Variants in RBFOX3 observed in about 807,000 individuals in gnomAD.
RBFOX3 encodes RNA binding protein fox-1 homolog 3.
A neutral mutation model predicts 48.7 loss-of-function variants in RBFOX3; 17 were observed. The observed-to-expected ratio is 0.35, with a 90% confidence interval of 0.24 to 0.52. The LOEUF (loss-of-function observed/expected upper bound fraction) is 0.52. Among genes scored for constraint, RBFOX3 ranks in the 20% least tolerant of loss-of-function variants. The pLI is 0.94. For synonymous variants in RBFOX3, 212 were observed against 209.5 expected (o/e 1.01, Z -0.10); for missense variants, 382 against 497.5 (o/e 0.77, Z 2.21).
chr17:79,369,212 G>A (rs540109316), intron 2 of RBFOX3, among the ~76,000 whole-genome samples: 4 of 152,138 alleles, frequency 2.6e-5, no homozygotes, highest in South Asian at 2.1e-4. Context: ...CCCATCAGCC[G>A]GGGTTGACCT....
At chr17:79,505,043 C>T (rs1402951605) in intron 1 of RBFOX3, among the ~76,000 whole-genome samples, 1 of 152,132 alleles carries the variant, frequency 6.6e-6, no homozygotes, top group Non-Finnish European at 1.5e-5. Flanking sequence ...CACTGGCCGG[C>T]CAGCTGCTCT....
intron 2 of RBFOX3, among the ~76,000 whole-genome samples, chr17:79,474,094 C>T (rs1167388767): frequency 4.0e-5 from 6 of 151,856 alleles, no homozygotes; most frequent in Non-Finnish European, 7.4e-5. Flanking sequence ...CGGCAACCCC[C>T]TCTGAGGAAT....
At chr17:79,427,317 A>C (rs2148833926) in intron 2 of RBFOX3, among the ~76,000 whole-genome samples, 1 of 152,300 alleles carries the variant, frequency 6.6e-6, no homozygotes, top group South Asian at 2.1e-4. Context: ...CTGAGGCTCT[A>C]AGGTCCTGGG....
chr17:79,123,775 A>C (rs540641371), intron 4 of RBFOX3, among the ~76,000 whole-genome samples: 1 of 152,324 alleles, frequency 6.6e-6, no homozygotes, highest in South Asian at 2.1e-4. Context: ...GGCGGCAGGC[A>C]GTAAAGTTTG....
intron 3 of RBFOX3, among the ~76,000 whole-genome samples, chr17:79,281,577 G>A (rs2070527334): frequency 6.6e-6 from 1 of 152,200 alleles, no homozygotes; most frequent in Non-Finnish European, 1.5e-5. Flanking sequence ...AGGCTTGTGG[G>A]GTGAGCTTGG....
intron 3 of RBFOX3, among the ~76,000 whole-genome samples, chr17:79,289,758 G>T (rs1421641638): frequency 4.6e-5 from 7 of 152,250 alleles, no homozygotes; most frequent in Non-Finnish European, 1.0e-4. Flanking sequence ...TTATCTTTAT[G>T]TGTCAGGATT....
intron 4 of RBFOX3, among the ~76,000 whole-genome samples, chr17:79,140,930 A>G (rs1194670511): frequency 2.0e-5 from 3 of 152,192 alleles, no homozygotes; most frequent in African/African-American, 7.2e-5. Context: ...CTGTGCTCAC[A>G]GAGGTCCTCT....
chr17:79,542,518 T>C (rs940281957), intron 1 of RBFOX3, among the ~76,000 whole-genome samples: 1 of 127,838 alleles, frequency 7.8e-6, no homozygotes, highest in African/African-American at 3.3e-5. Context: ...TCTAGGTGGC[T>C]GACGCCTGTA....
rs573242097 is a variant in RBFOX3, at chr17:79,391,543, C to T, written c.-174-83719G>A. Among the ~76,000 whole-genome samples the T allele has an allele frequency of 7.9e-5, 12 of 152,346 alleles. No homozygotes were observed. The South Asian group carries it at 2.5e-3, about 32-fold the overall frequency. ...CGGCAAATGCCACCGATTTTAATCT[C>T]ACCCGAAACCAACCTCACAGGTGCT... On this transcript the variant is annotated intron_variant, in intron 2 of 14. Coordinates refer to ENST00000693108, the MANE Select transcript of RBFOX3 (RefSeq NM_001350451.2). The surrounding 1 kb of genome is among the most constrained non-coding windows in gnomAD (Gnocchi z 5.0).
At chr17:79,414,265 T>TA (rs2064947677) in intron 2 of RBFOX3, among the ~76,000 whole-genome samples, 1 of 152,116 alleles carries the variant, frequency 6.6e-6, no homozygotes, top group African/African-American at 2.4e-5. Flanking sequence ...AAAATCACTG[T>TA]AAACAAAGTC....
At chr17:79,624,581 C>A in the RBFOX3 span, among the ~76,000 whole-genome samples, 1 of 152,142 alleles carries the variant, frequency 6.6e-6, no homozygotes. Context: ...CAGAGCCGAG[C>A]GAAGGGAGCA....
intron 4 of RBFOX3, among the ~76,000 whole-genome samples, chr17:79,123,911 A>G (rs1367335899): frequency 1.3e-5 from 2 of 152,070 alleles, no homozygotes; most frequent in African/African-American, 4.8e-5. Context: ...CCATTCCTCC[A>G]TGTGGTCGGT....
Position 79,475,886 on chromosome 17 carries a change from C to T in RBFOX3, c.-175+6568G>A, listed in dbSNP as rs1037687078. On this transcript the variant is annotated intron_variant, in intron 2 of 14. Transcript: ENST00000693108. ...ACAGTTTCTCCCTGAGAAGCAACCCCGCTGCCCTCCTGATTTTGGATCCTG... is the reference window on the plus strand; with the variant it reads ...ACAGTTTCTCCCTGAGAAGCAACCCTGCTGCCCTCCTGATTTTGGATCCTG... Among the ~76,000 whole-genome samples the T allele has an allele frequency of 1.1e-3, 169 of 152,334 alleles. 2 individuals carry two copies. Among genetic ancestry groups the T allele is most frequent in the African/African-American group, 3.7e-3 (153 of 41,580 alleles).
At chr17:79,215,759 C>T (rs1405522265) in intron 4 of RBFOX3, among the ~76,000 whole-genome samples, 2 of 152,264 alleles carry the variant, frequency 1.3e-5, no homozygotes. Context: ...AGCCATGCCA[C>T]GCTGGGCACC....
intron 2 of RBFOX3, among the ~76,000 whole-genome samples, chr17:79,338,063 C>T (rs1484269000): frequency 3.3e-5 from 5 of 152,050 alleles, no homozygotes; most frequent in East Asian, 1.9e-4. Flanking sequence ...CTCAGCCTCC[C>T]GAGTAGCTAG....
At chr17:79,625,567 G>A in the RBFOX3 span, among the ~76,000 whole-genome samples, 15 of 152,246 alleles carry the variant, frequency 9.9e-5, no homozygotes, top group South Asian at 4.1e-4. Context: ...GAGTGGGGGC[G>A]GATCACCTGA....
chr17:79,093,704 G>T (rs1336867521), intron 14 of RBFOX3, among the ~76,000 whole-genome samples: 1 of 152,096 alleles, frequency 6.6e-6, no homozygotes, highest in Non-Finnish European at 1.5e-5. Flanking sequence ...ACACCCCGGG[G>T]CTGGGGCCAG....
At chr17:79,273,943 G>T (rs1262435394) in intron 3 of RBFOX3, among the ~76,000 whole-genome samples, 2 of 152,192 alleles carry the variant, frequency 1.3e-5, no homozygotes, top group Non-Finnish European at 2.9e-5. Context: ...TTTCCTGCAG[G>T]CACAACTCTT....
At chr17:79,395,223 G>C (rs2061845796) in intron 2 of RBFOX3, among the ~76,000 whole-genome samples, 1 of 152,244 alleles carries the variant, frequency 6.6e-6, no homozygotes, top group Non-Finnish European at 1.5e-5. Context: ...ACCGGACCCA[G>C]CAATGTGTGG....
Sources: allele counts gnomAD v4.1 joint callset (sites outside exome capture counted in the v4.1 genomes callset), GRCh38; gene constraint gnomAD v4.1.1; non-coding constraint Gnocchi (gnomAD v3.1); transcripts MANE v1.5; gene names NCBI Gene and HGNC (gene_info 2026-07-23, HGNC 2026-07-21).